CNTNAP5: variants seen among roughly 807,000 people sequenced by gnomAD.
CNTNAP5 encodes the protein contactin-associated protein-like 5.
CNTNAP5 carries 72 observed loss-of-function variants against 150.2 expected under a neutral mutation model. That is an observed-to-expected ratio of 0.48 (90% CI 0.40 to 0.58). CNTNAP5 has a LOEUF of 0.58. Among genes scored for constraint, CNTNAP5 ranks in the 20% least tolerant of loss-of-function variants. The pLI is 0.00. For missense variants in CNTNAP5, 1,636 were observed against 1,626.2 expected, an observed-to-expected ratio of 1.01 and a Z score of -0.10; for synonymous variants, 672 against 619.8, an observed-to-expected ratio of 1.08 and a Z score of -1.25.
At chr2:124,214,255 G>C (rs570144547) in intron 1 of CNTNAP5, among the ~76,000 whole-genome samples, 1 of 152,244 alleles carries the variant, frequency 6.6e-6, no homozygotes, top group African/African-American at 2.4e-5. Flanking sequence ...CCACTTACAA[G>C]CAGGAAATTA....
chr2:124,429,512 T>C (rs150226714), intron 4 of CNTNAP5, among the ~76,000 whole-genome samples: 1 of 152,298 alleles, frequency 6.6e-6, no homozygotes, highest in East Asian at 1.9e-4. Context: ...TCTTTGAAAG[T>C]TTTGAAAACC....
At chr2:124,805,424 C>G (rs961372764) in intron 19 of CNTNAP5, among the ~76,000 whole-genome samples, 1 of 152,088 alleles carries the variant, frequency 6.6e-6, no homozygotes, top group Admixed American at 6.6e-5. Context: ...GCACAATACA[C>G]CTGGGGCAAC....
chr2:124,359,316 C>T (rs1315881984), intron 3 of CNTNAP5, among the ~76,000 whole-genome samples: 1 of 150,788 alleles, frequency 6.6e-6, no homozygotes, highest in African/African-American at 2.4e-5. Context: ...CAGTTCTGCC[C>T]TGATTTTAGT....
intron 3 of CNTNAP5, among the ~76,000 whole-genome samples, chr2:124,293,252 A>G (rs1264141258): frequency 6.6e-6 from 1 of 152,060 alleles, no homozygotes; most frequent in Non-Finnish European, 1.5e-5. Flanking sequence ...TACTTCCTCT[A>G]CTGTACTCAA....
At chr2:124,747,194 C>A in intron 13 of CNTNAP5, 35 bp from the exon 14 acceptor site, 1 of 1,601,016 alleles carries the variant, frequency 6.2e-7, no homozygotes, top group South Asian at 1.1e-5. Flanking sequence ...TTCAGGCTTG[C>A]CCTACCCTGA....
intron 3 of CNTNAP5, among the ~76,000 whole-genome samples, chr2:124,360,493 G>A (rs1471470730): frequency 7.2e-6 from 1 of 139,508 alleles, no homozygotes; most frequent in African/African-American, 2.6e-5. Context: ...AGCTCTTTTA[G>A]GGCAGGCCTG....
chr2:124,359,088 G>T (rs1690114685), intron 3 of CNTNAP5, among the ~76,000 whole-genome samples: 1 of 151,748 alleles, frequency 6.6e-6, no homozygotes, highest in Non-Finnish European at 1.5e-5. Context: ...TAGTTTATTT[G>T]CATAGAGGTG....
In CNTNAP5 at chr2:124,779,940, G is replaced by A. The variant is rs148564060; in HGVS notation, c.2752+6923G>A. ...TCTAGGAGTTTCTTTGTGGGAAGAC[G>A]TAGTGTCTAATTTATCTTCACATCT... is the stretch of plus-strand genomic sequence containing the variant. On this transcript the variant is annotated intron_variant, in intron 17 of 23. Transcript: ENST00000682447. 1.2e-3 allele frequency among the ~76,000 whole-genome samples: 188 copies of A among 152,226 alleles called. 1 individual carries two copies. Among genetic ancestry groups the A allele is most frequent in the African/African-American group, 3.7e-3 (155 of 41,540 alleles).
At chr2:124,226,664 CA>C (rs1686467261) in intron 2 of CNTNAP5, among the ~76,000 whole-genome samples, 1 of 151,944 alleles carries the variant, frequency 6.6e-6, no homozygotes. Flanking sequence ...TATCTTAGCC[CA>C]TTTCAGTTTC....
intron 13 of CNTNAP5, among the ~76,000 whole-genome samples, chr2:124,715,546 G>A (rs561893595): frequency 1.3e-5 from 2 of 152,192 alleles, no homozygotes; most frequent in African/African-American, 4.8e-5. Flanking sequence ...AAGTTCTAGG[G>A]TACATGTGCA....
At chr2:124,236,657 A>G (rs1686754085) in intron 2 of CNTNAP5, among the ~76,000 whole-genome samples, 1 of 152,204 alleles carries the variant, frequency 6.6e-6, no homozygotes, top group South Asian at 2.1e-4. Context: ...TCGACCATTT[A>G]ATAATTAAAG....
chr2:124,248,441 T>C (rs1239426125), intron 3 of CNTNAP5, among the ~76,000 whole-genome samples: 2 of 152,194 alleles, frequency 1.3e-5, no homozygotes, highest in Non-Finnish European at 2.9e-5. Context: ...AGTGGTTCTG[T>C]CCTAAGCTCT....
intron 19 of CNTNAP5, among the ~76,000 whole-genome samples, chr2:124,802,983 C>T (rs1208842432): frequency 3.3e-5 from 5 of 151,760 alleles, no homozygotes; most frequent in Admixed American, 2.0e-4. Context: ...GGCATGGTGG[C>T]GGGTGCCTTT....
rs1678735780 is a variant in CNTNAP5 at position 124,915,079 on chromosome 2, C to T, written c.*791C>T. Reference sequence around the variant, plus strand: ...GATGTTCCATATCTTCAAAATGCCTCCTCCAATTTTGTAAGAATGCTAGCT... The same window carrying T: ...GATGTTCCATATCTTCAAAATGCCTTCTCCAATTTTGTAAGAATGCTAGCT... On this transcript the variant is annotated 3_prime_UTR_variant, in exon 24 of 24. Transcript: ENST00000682447. 6.2e-6 allele frequency: 1 copy of T among 161,746 alleles called. No individual in the cohort carries two copies. The highest frequency in any genetic ancestry group is 2.4e-5 in the African/African-American group (1 of 41,326). The allele number at this position is 161,746 out of a possible 1,614,324, so 10.0% of individuals were successfully genotyped here.
At position 124,717,361 on chromosome 2, in the gene CNTNAP5, A is replaced by G. The variant is rs546843047; in HGVS notation, c.2078-29868A>G. Among the ~76,000 whole-genome samples the G allele has an allele frequency of 1.0e-3, 157 of 152,334 alleles. 1 individual carries two copies. The highest frequency in any genetic ancestry group is 3.5e-3 in the African/African-American group (145 of 41,596). On this transcript the variant is annotated intron_variant, in intron 13 of 23. Coordinates refer to ENST00000682447, the MANE Select transcript of CNTNAP5 (RefSeq NM_001367498.1). ...GTTTAATGTTCAGGGAATACTTGAG[A>G]ATTGAATGTTGCACTTTAGTGCATA...
intron 1 of CNTNAP5, among the ~76,000 whole-genome samples, chr2:124,177,828 TG>T (rs538400359): frequency 4.6e-5 from 7 of 151,898 alleles, no homozygotes; most frequent in Admixed American, 2.6e-4. Context: ...GGTTATTTTT[TG>T]TTTGTTTTGT....
intron 3 of CNTNAP5, among the ~76,000 whole-genome samples, chr2:124,245,727 A>G (rs1185940817): frequency 2.0e-5 from 3 of 150,908 alleles, no homozygotes; most frequent in Non-Finnish European, 4.4e-5. Context: ...ATACACAAAT[A>G]TATACATATA....
At chr2:124,130,729 AT>A (rs1239980398) in intron 1 of CNTNAP5, among the ~76,000 whole-genome samples, 1 of 152,032 alleles carries the variant, frequency 6.6e-6, no homozygotes, top group East Asian at 1.9e-4. Flanking sequence ...GGCTTATATA[AT>A]TTTTTATCAT....
chr2:124,768,307 G>GTGTGTGTGTGTGTGTA lies in CNTNAP5; in HGVS notation c.2533+4163_2533+4164insGTGTGTGTGTGTATGT, dbSNP rs761983407. 3.5e-3 allele frequency among the ~76,000 whole-genome samples: 505 copies of GTGTGTGTGTGTGTGTA among 144,682 alleles called. 16 individuals carry two copies. The highest frequency in any genetic ancestry group is 0.011 in the Middle Eastern group (3 of 270). The allele number at this position is 144,682 out of a possible 152,430, so 94.9% of individuals were successfully genotyped here. A position where few individuals can be genotyped will look rare whatever the true frequency, so the allele number is the denominator to read the frequency against. On this transcript the variant is annotated intron_variant, in intron 16 of 23. Coordinates refer to ENST00000682447, the MANE Select transcript of CNTNAP5 (RefSeq NM_001367498.1). Reference sequence around the variant, plus strand: ...TGTGTGTGTGTGTGTGTGTGTGTGTGTGTATATGTATGTTTATGTATATAT... The same window carrying GTGTGTGTGTGTGTGTA: ...TGTGTGTGTGTGTGTGTGTGTGTGTGTGTGTGTGTGTGTGTATGTATATGTATGTTTATGTATATAT...
Sources: gnomAD v4.1 joint callset for allele counts (sites outside exome capture counted in the v4.1 genomes callset) on GRCh38, gnomAD v4.1.1 for gene constraint, MANE v1.5 for transcripts, NCBI Gene and HGNC (gene_info 2026-07-23, HGNC 2026-07-21) for gene names.